FGF9: variants seen among roughly 807,000 people sequenced by gnomAD.
FGF9 encodes fibroblast growth factor 9 (glia-activating factor).
FGF9 carries 3 observed loss-of-function variants against 19.9 expected under a neutral mutation model. The observed-to-expected ratio is 0.15, with a 90% confidence interval of 0.07 to 0.39. FGF9 has a LOEUF of 0.39. Ranked by LOEUF, FGF9 falls within the 10% of genes least tolerant of loss-of-function variation. The probability of loss-of-function intolerance (pLI) is 1.00; values close to 1 mark genes in which losing one functional copy is unlikely to be tolerated. For missense variants in FGF9, 175 were observed against 256.8 expected (o/e 0.68, Z 2.18); for synonymous variants, 107 against 106.9 (o/e 1.00, Z -0.01).
At chr13:21,681,357 T>C (rs961540746) in intron 2 of FGF9, 2 of 455,064 alleles carry the variant, frequency 4.4e-6, no homozygotes, top group Non-Finnish European at 7.9e-6. Flanking sequence ...AAATGCTTTA[T>C]TTATATGCCA....
chr13:21,672,248 C>G lies in FGF9; in HGVS notation c.277+59C>G. 3.1e-6 allele frequency: 5 copies of G among 1,597,302 alleles called. No homozygotes were observed. Among genetic ancestry groups the G allele is most frequent in the Non-Finnish European group, 4.3e-6 (5 of 1,165,712 alleles). On this transcript the variant is annotated intron_variant, in intron 1 of 2. Transcript: ENST00000382353. This position sits in a 1 kb window ranked among gnomAD's most constrained non-coding sequence, Gnocchi z 4.2. ...GATGACATGTTGAAATTATAACTAC[C>G]AAGAAGGTGGTGGCCGGGTGGGGGA...
chr13:21,699,198 G>A (rs1872483452), intron 2 of FGF9, among the ~76,000 whole-genome samples: 1 of 152,198 alleles, frequency 6.6e-6, no homozygotes. Context: ...CACCCCTCCT[G>A]TGGGGTAGAG....
At position 21,671,950 on chromosome 13, in the gene FGF9, T is replaced by A. The variant is rs182718810; in HGVS notation, c.38T>A (p.Val13Glu). ...PLGEVGNYFG[V>E]QDAVPFGNVP... The stretch of plus-strand genomic sequence containing the variant: ...GGTGAAGTTGGGAACTATTTCGGTG[T>A]GCAGGATGCGGTACCGTTTGGGAAT... The change falls in exon 1 of 3, where the codon GTG becomes GAG. Residue 13 changes from valine to glutamate, a missense_variant. By Grantham distance (121) the Val-to-Glu change is moderately radical. This residue lies in a region of FGF9 where 69 missense variants were observed against 73.6 expected (regional missense o/e 0.94). Transcript: ENST00000382353. 1.2e-6 allele frequency: 2 copies of A among 1,614,096 alleles called. No individual in the cohort carries two copies. Among genetic ancestry groups the A allele is most frequent in the African/African-American group, 1.3e-5 (1 of 74,930 alleles).
intron 1 of FGF9, among the ~76,000 whole-genome samples, chr13:21,673,827 C>T (rs1347667794): frequency 6.6e-6 from 1 of 150,890 alleles, no homozygotes; most frequent in Admixed American, 6.6e-5. Flanking sequence ...CCAGCCCTCC[C>T]GCGCTCGCGG....
Position 21,681,160 on chromosome 13 carries a change from G to A in FGF9, c.381+15G>A, listed in dbSNP as rs759276519. On this transcript the variant is annotated intron_variant, in intron 2 of 2. Coordinates refer to ENST00000382353, the MANE Select transcript of FGF9 (RefSeq NM_002010.3). ...TGTATGGATCAGTAAGTACTGGAGG[G>A]ACTTCATCCAGCTTTATCTCCATGT... is the stretch of plus-strand genomic sequence containing the variant. 10 of 1,543,358 alleles carry A rather than the reference G, an allele frequency of 6.5e-6. No homozygotes were observed. The East Asian group carries it at 2.2e-4, about 35-fold the overall frequency.
chr13:21,681,626 C>T (rs528773784), intron 2 of FGF9, among the ~76,000 whole-genome samples: 10 of 152,288 alleles, frequency 6.6e-5, no homozygotes, highest in African/African-American at 1.7e-4. Context: ...AAGAATATTA[C>T]GATATTGTAA....
Position 21,702,337 on chromosome 13 carries a change from G to T in FGF9, c.*902G>T, listed in dbSNP as rs1234427902. On this transcript the variant is annotated 3_prime_UTR_variant, in exon 3 of 3. Coordinates refer to ENST00000382353, the MANE Select transcript of FGF9 (RefSeq NM_002010.3). ...TGAGTATTCACTCTTCAGACTGCTT[G>T]TTTCATAGCTTATCCCAGAGGATTA... The T allele has an allele frequency of 6.6e-6, 1 of 152,204 alleles. No individual in the cohort carries two copies. The highest frequency in any genetic ancestry group is 1.9e-4 in the East Asian group (1 of 5,202). The allele number at this position is 152,204 out of a possible 1,614,324, so 9.4% of individuals were successfully genotyped here. A position where few individuals can be genotyped will look rare whatever the true frequency, so the allele number is the denominator to read the frequency against.
rs1310572968 is a variant in FGF9, at chr13:21,704,187, A to C, written c.*2752A>C. 3 of 152,178 alleles carry C rather than the reference A, an allele frequency of 2.0e-5. No homozygotes were observed. Among genetic ancestry groups the C allele is most frequent in the African/African-American group, 7.2e-5 (3 of 41,428 alleles). The allele number at this position is 152,178 out of a possible 1,614,324, so 9.4% of individuals were successfully genotyped here. A position where few individuals can be genotyped will look rare whatever the true frequency, so the allele number is the denominator to read the frequency against. ...TCACAAACAGATGCTTAGATAGCCA[A>C]ACCACTGTCTTGTTGGTGCCAACAC... On this transcript the variant is annotated 3_prime_UTR_variant, in exon 3 of 3. Transcript: ENST00000382353.
At chr13:21,680,942 G>A (rs1413147661) in intron 1 of FGF9, 100 bp from the exon 2 acceptor site, 20 of 813,684 alleles carry the variant, frequency 2.5e-5, no homozygotes, top group Non-Finnish European at 3.9e-5. Flanking sequence ...CAAGTGGGGA[G>A]CTGGGCTTAG....
Position 21,679,773 on chromosome 13 carries a change from CT to C in FGF9, c.278-1268del, listed in dbSNP as rs1871997219. Among the ~76,000 whole-genome samples the C allele has an allele frequency of 1.7e-5, 2 of 119,730 alleles. 1 individual carries two copies. Among genetic ancestry groups the C allele is most frequent in the South Asian group, 5.2e-4 (2 of 3,842 alleles). 78.5% of individuals were successfully genotyped at this position (119,730 alleles called of 152,430 possible). On this transcript the variant is annotated intron_variant, in intron 1 of 2. Coordinates refer to ENST00000382353, the MANE Select transcript of FGF9 (RefSeq NM_002010.3). ...CTAACACAGTGAAACCCCGTCTCTA[CT>C]AAAAATACAAAAAAAAAAAAAAAAA...
chr13:21,674,356 G>C (rs1203363830), intron 1 of FGF9: 1 of 151,808 alleles, frequency 6.6e-6, no homozygotes, highest in African/African-American at 2.4e-5. Context: ...GAGTGGGGGT[G>C]GGGGGGACAA....
At chr13:21,698,783 G>A (rs1366341541) in intron 2 of FGF9, among the ~76,000 whole-genome samples, 1 of 152,166 alleles carries the variant, frequency 6.6e-6, no homozygotes, top group African/African-American at 2.4e-5. Context: ...GTTTGTAGGT[G>A]ATGTGATTTC....
intron 1 of FGF9, among the ~76,000 whole-genome samples, chr13:21,675,958 G>A (rs1335833227): frequency 2.0e-5 from 3 of 151,072 alleles, no homozygotes; most frequent in African/African-American, 7.3e-5. Context: ...GATTGGTGGT[G>A]TGGAGATAAG....
At chr13:21,700,457 G>A (rs1408892991) in intron 2 of FGF9, among the ~76,000 whole-genome samples, 1 of 152,178 alleles carries the variant, frequency 6.6e-6, no homozygotes, top group Non-Finnish European at 1.5e-5. Context: ...GGGCTCAGAA[G>A]TCTGCATCTT....
intron 2 of FGF9, among the ~76,000 whole-genome samples, chr13:21,681,407 TG>T (rs1872040114): frequency 6.6e-6 from 1 of 152,214 alleles, no homozygotes; most frequent in Non-Finnish European, 1.5e-5. Flanking sequence ...AATTTACAAG[TG>T]TGAAAAATCC....
At chr13:21,687,443 T>A (rs1056030847) in intron 2 of FGF9, among the ~76,000 whole-genome samples, 2 of 152,228 alleles carry the variant, frequency 1.3e-5, no homozygotes, top group African/African-American at 4.8e-5. Context: ...CAACTATAAT[T>A]CAAAACATTT....
At position 21,672,035 on chromosome 13, in the gene FGF9, A is replaced by C; in HGVS notation, c.123A>C (p.Glu41Asp). 1 of 1,614,220 alleles carries C rather than the reference A, an allele frequency of 6.2e-7. No individual in the cohort carries two copies. Among genetic ancestry groups the C allele is most frequent in the Non-Finnish European group, 8.5e-7 (1 of 1,180,038 alleles). Residue 41 changes from glutamate (E) to aspartate (D), a missense_variant, in exon 1 of 3, where the codon GAA becomes GAC. By Grantham distance (45) the Glu-to-Asp change is conservative. Coordinates refer to ENST00000382353, the MANE Select transcript of FGF9 (RefSeq NM_002010.3). This position sits in a 1 kb window ranked among gnomAD's most constrained non-coding sequence, Gnocchi z 4.2. ...VLLSDHLGQS[E>D]AGGLPRGPAV... ...TAAGTGACCACCTGGGTCAGTCCGA[A>C]GCAGGGGGGCTCCCCAGGGGACCCG...
chr13:21,696,554 G>A (rs17840905), intron 2 of FGF9, among the ~76,000 whole-genome samples: 131,110 of 151,900 alleles, frequency 0.86, 56,728 homozygotes, highest in East Asian at 1. Context: ...AAACGTGGTG[G>A]GTTTTAAAAC....
At chr13:21,680,317 G>T (rs1872013110) in intron 1 of FGF9, among the ~76,000 whole-genome samples, 1 of 152,128 alleles carries the variant, frequency 6.6e-6, no homozygotes, top group Non-Finnish European at 1.5e-5. Flanking sequence ...ATGTATGTGG[G>T]CAGTTTTAGT....
Sources: gnomAD v4.1 joint callset for allele counts (sites outside exome capture counted in the v4.1 genomes callset) on GRCh38, gnomAD v4.1.1 for gene constraint, gnomAD v4.1.1 regional missense constraint, Gnocchi (gnomAD v3.1) non-coding constraint, MANE v1.5 for transcripts, NCBI Gene and HGNC (gene_info 2026-07-23, HGNC 2026-07-21) for gene names.